GAN: variants seen among roughly 807,000 people sequenced by gnomAD.
The protein encoded by GAN is epididymis secretory sperm binding protein.
A neutral mutation model predicts 71.3 loss-of-function variants in GAN; 48 were observed. That is an observed-to-expected ratio of 0.67 (90% confidence interval 0.53 to 0.86). The LOEUF (loss-of-function observed/expected upper bound fraction) is 0.86, where lower values mean the gene tolerates loss of function less well. Ranked by LOEUF, GAN falls within the 40% of genes least tolerant of loss-of-function variation. The pLI is 0.00. For missense variants in GAN, 928 were observed against 770.1 expected, an observed-to-expected ratio of 1.21 and a Z score of -2.43; for synonymous variants, 386 against 276.8, an observed-to-expected ratio of 1.39 and a Z score of -3.92.
intron 1 of GAN, among the ~76,000 whole-genome samples, chr16:81,320,791 T>G (rs1909198240): frequency 1.3e-5 from 2 of 152,216 alleles, no homozygotes; most frequent in South Asian, 2.1e-4. Context: ...GAGTCTCTTT[T>G]AAGGGATCTA....
chr16:81,344,210 C>G (rs1204686738), intron 1 of GAN, among the ~76,000 whole-genome samples: 3 of 152,188 alleles, frequency 2.0e-5, no homozygotes, highest in Non-Finnish European at 4.4e-5. Context: ...AGATTTAATG[C>G]TATCCCCATC....
intron 2 of GAN, among the ~76,000 whole-genome samples, chr16:81,353,258 C>G (rs1009985954): frequency 6.9e-6 from 1 of 145,788 alleles, no homozygotes; most frequent in Admixed American, 6.8e-5. Flanking sequence ...CGCCACTGCA[C>G]TCCAGCGTGG....
At chr16:81,339,804 G>T (rs953273213) in intron 1 of GAN, among the ~76,000 whole-genome samples, 1 of 152,106 alleles carries the variant, frequency 6.6e-6, no homozygotes, top group Non-Finnish European at 1.5e-5. Flanking sequence ...GTGGGAATTG[G>T]GCAGGCACAA....
intron 1 of GAN, among the ~76,000 whole-genome samples, chr16:81,349,032 T>C (rs570360120): frequency 6.6e-6 from 1 of 152,316 alleles, no homozygotes; most frequent in African/African-American, 2.4e-5. Context: ...TTGTATACTC[T>C]TCAAAATATA....
rs142113842 is a variant in GAN, at chr16:81,329,314, T to G, written c.167+14034T>G. Among the ~76,000 whole-genome samples the G allele has an allele frequency of 8.8e-3, 1,344 of 152,236 alleles. 16 individuals carry two copies. The highest frequency in any genetic ancestry group is 0.024 in the Middle Eastern group (7 of 294). Reference sequence around the variant, plus strand: ...AAAAGCAAGCAGAGGAAGCATAGATTCATTCAGGGCAACTGGAATCCGTGT... The same window carrying G: ...AAAAGCAAGCAGAGGAAGCATAGATGCATTCAGGGCAACTGGAATCCGTGT... On this transcript the variant is annotated intron_variant, in intron 1 of 10. Transcript: ENST00000648994.
chr16:81,363,166 A>G (rs911883358), intron 6 of GAN, among the ~76,000 whole-genome samples: 1 of 152,256 alleles, frequency 6.6e-6, no homozygotes, highest in East Asian at 1.9e-4. Flanking sequence ...TGTCCTCCAC[A>G]GCCCTTTCTG....
Position 81,380,121 on chromosome 16 carries a change from A to G in GAN, c.*2525A>G, listed in dbSNP as rs1458139649. 3 of 152,646 alleles carry G rather than the reference A, an allele frequency of 2.0e-5. No individual in the cohort carries two copies. Among genetic ancestry groups the G allele is most frequent in the Non-Finnish European group, 4.4e-5 (3 of 68,038 alleles). The allele number at this position is 152,646 out of a possible 1,614,324, so 9.5% of individuals were successfully genotyped here. ...ATTTTACTATGCTCCAACATTAATC[A>G]TGACTCTTTTGTAAATTACAGTTAT... On this transcript the variant is annotated 3_prime_UTR_variant, in exon 11 of 11. Transcript: ENST00000648994.
chr16:81,317,739 G>A (rs1447247309), intron 1 of GAN, among the ~76,000 whole-genome samples: 2 of 152,162 alleles, frequency 1.3e-5, no homozygotes, highest in Non-Finnish European at 2.9e-5. Flanking sequence ...GTATTTCACC[G>A]TTCTCTTTGT....
intron 5 of GAN, among the ~76,000 whole-genome samples, 182 bp from the exon 6 acceptor site, chr16:81,362,317 G>A (rs1271660051): frequency 6.6e-6 from 1 of 152,160 alleles, no homozygotes; most frequent in Non-Finnish European, 1.5e-5. Flanking sequence ...AAAGCAAAAT[G>A]GTCAAAGTGA....
chr16:81,332,883 C>T (rs558912432), intron 1 of GAN, among the ~76,000 whole-genome samples: 18 of 152,032 alleles, frequency 1.2e-4, no homozygotes, highest in Non-Finnish European at 2.1e-4. Flanking sequence ...ATCAGGAGGC[C>T]GTGATGTTAA....
In GAN at chr16:81,381,685, C is replaced by T. The variant is rs1016532354; in HGVS notation, c.*4089C>T. ...CCCACTATGGAACGGGCAAGGGCCCCGTCTTTGTCATCTGCCAGTCTCAGT... is the reference window on the plus strand; with the variant it reads ...CCCACTATGGAACGGGCAAGGGCCCTGTCTTTGTCATCTGCCAGTCTCAGT... On this transcript the variant is annotated 3_prime_UTR_variant, in exon 11 of 11. Transcript: ENST00000648994. The T allele has an allele frequency of 1.3e-5, 2 of 152,236 alleles. No homozygotes were observed. Among genetic ancestry groups the T allele is most frequent in the Admixed American group, 6.5e-5 (1 of 15,292 alleles). 9.4% of individuals were successfully genotyped at this position (152,236 alleles called of 1,614,324 possible).
intron 1 of GAN, among the ~76,000 whole-genome samples, 190 bp downstream of exon 1, chr16:81,315,470 C>G (rs925299667): frequency 1.3e-5 from 2 of 151,928 alleles, no homozygotes; most frequent in African/African-American, 4.8e-5. Context: ...CCCCAGGCGG[C>G]CTCTGTGGCT....
chr16:81,379,916 GT>G lies in GAN; in HGVS notation c.*2332del, dbSNP rs533512036. 2.1e-3 allele frequency: 290 copies of G among 141,044 alleles called. 1 individual carries two copies. Among genetic ancestry groups the G allele is most frequent in the Middle Eastern group, 7.5e-3 (2 of 268 alleles). The allele number at this position is 141,044 out of a possible 1,614,324, so 8.7% of individuals were successfully genotyped here. A position where few individuals can be genotyped will look rare whatever the true frequency, so the allele number is the denominator to read the frequency against. On this transcript the variant is annotated 3_prime_UTR_variant, in exon 11 of 11. Coordinates refer to ENST00000648994, the MANE Select transcript of GAN (RefSeq NM_022041.4). ...GGTAAATTCATTTTATAAAAATAGT[GT>G]TTTTTTTTTTTAATTTCAGTTCATT... is the stretch of plus-strand genomic sequence containing the variant.
At chr16:81,353,275 G>GCGAGACTCCGTCTGAAAA (rs1910363363) in intron 2 of GAN, among the ~76,000 whole-genome samples, 1 of 128,784 alleles carries the variant, frequency 7.8e-6, no homozygotes, top group African/African-American at 3.4e-5. Flanking sequence ...GTGGGCGACA[G>GCGAGACTCCGTCTGAAAA]AGCGAGACTC....
chr16:81,329,494 C>T (rs1025500360), intron 1 of GAN, among the ~76,000 whole-genome samples: 10 of 152,222 alleles, frequency 6.6e-5, no homozygotes, highest in Non-Finnish European at 1.5e-4. Flanking sequence ...ATCTCTTTAT[C>T]TTGTGCACAG....
intron 1 of GAN, among the ~76,000 whole-genome samples, chr16:81,338,115 C>G (rs190545856): frequency 6.6e-6 from 1 of 152,064 alleles, no homozygotes; most frequent in African/African-American, 2.4e-5. Flanking sequence ...ACAGAAAACG[C>G]GGAACAATGT....
intron 1 of GAN, among the ~76,000 whole-genome samples, chr16:81,342,521 CTGAAT>C (rs1909979016): frequency 6.6e-6 from 1 of 152,164 alleles, no homozygotes; most frequent in Admixed American, 6.5e-5. Flanking sequence ...CAACTTGCTC[CTGAAT>C]GATTACTGGG....
chr16:81,369,073 G>A (rs978796212), intron 9 of GAN, among the ~76,000 whole-genome samples: 1 of 152,152 alleles, frequency 6.6e-6, no homozygotes, highest in East Asian at 1.9e-4. Flanking sequence ...CCGTGCATTC[G>A]CTTAGCCTAG....
chr16:81,363,190 T>C (rs1385019222), intron 6 of GAN, among the ~76,000 whole-genome samples: 2 of 152,264 alleles, frequency 1.3e-5, no homozygotes, highest in Non-Finnish European at 2.9e-5. Context: ...TAGTTTATAC[T>C]AGCCTTTCCC....
Sources: gnomAD v4.1 joint callset for allele counts (sites outside exome capture counted in the v4.1 genomes callset) on GRCh38, gnomAD v4.1.1 for gene constraint, MANE v1.5 for transcripts, NCBI Gene and HGNC (gene_info 2026-07-23, HGNC 2026-07-21) for gene names.